The following ATXN7L1 variants were observed in gnomAD, a reference collection of about 807,000 sequenced individuals.
ATXN7L1 encodes ataxin 7 like 1, also known as ataxin-7-like protein 1.
ATXN7L1 carries 15 observed loss-of-function variants against 70.8 expected under a neutral mutation model. The observed-to-expected ratio is 0.21, with a 90% CI of 0.14 to 0.33. ATXN7L1 has a LOEUF of 0.33. ATXN7L1 is among the 10% of genes least tolerant of loss of function. The pLI, the probability that ATXN7L1 is intolerant of heterozygous loss-of-function variation, is 1.00. For synonymous variants in ATXN7L1, 440 were observed against 445.1 expected (o/e 0.99, Z 0.14); for missense variants, 975 against 1,097.1 (o/e 0.89, Z 1.57).
At chr7:105,820,474 G>A (rs1043559143) in intron 2 of ATXN7L1, among the ~76,000 whole-genome samples, 1 of 152,192 alleles carries the variant, frequency 6.6e-6, no homozygotes, top group Non-Finnish European at 1.5e-5. Flanking sequence ...GTCCCTTGAT[G>A]AGGCTGCAGC....
At chr7:105,638,212 C>T in intron 7 of ATXN7L1, 141 bp downstream of exon 7, 1 of 1,197,418 alleles carries the variant, frequency 8.4e-7, no homozygotes, top group East Asian at 2.6e-5. Flanking sequence ...TACATTATCT[C>T]ATTTAAACTT....
At chr7:105,849,398 A>T (rs1214390458) in intron 2 of ATXN7L1, among the ~76,000 whole-genome samples, 3 of 152,216 alleles carry the variant, frequency 2.0e-5, no homozygotes, top group Non-Finnish European at 4.4e-5. Context: ...TCTTAAGGGC[A>T]AGAGGGTCAA....
At chr7:105,848,999 C>T (rs1047599522) in intron 2 of ATXN7L1, among the ~76,000 whole-genome samples, 2 of 152,224 alleles carry the variant, frequency 1.3e-5, no homozygotes, top group Middle Eastern at 3.2e-3. Context: ...GGTCTCCTCA[C>T]CTCCATTCCT....
rs1563165032 is a variant in ATXN7L1 at position 105,875,827 on chromosome 7, T to G, written c.235A>C (p.Arg79=). ...CTCCACTTACCTTCTTTATTAAGCC[T>G]CATAACCTCCCTGCTTTTTCCACCC... The part of the protein sequence containing the change: ...KEGGKSREVM[R]LNKEDMHLFG... The change falls in exon 2 of 12, where the codon AGG becomes CGG. Residue 79 remains arginine, a synonymous_variant. Transcript: ENST00000419735. 1 of 1,613,454 alleles carries G rather than the reference T, an allele frequency of 6.2e-7. No homozygotes were observed. The highest frequency in any genetic ancestry group is 1.7e-5 in the Admixed American group (1 of 59,978).
intron 7 of ATXN7L1, among the ~76,000 whole-genome samples, chr7:105,625,746 T>A (rs1330176549): frequency 6.6e-6 from 1 of 152,184 alleles, no homozygotes; most frequent in Non-Finnish European, 1.5e-5. Flanking sequence ...ACTACCTGCT[T>A]CCTAGGCAGT....
chr7:105,796,957 T>C (rs890463787), intron 2 of ATXN7L1, among the ~76,000 whole-genome samples: 2 of 152,058 alleles, frequency 1.3e-5, no homozygotes, highest in Non-Finnish European at 2.9e-5. Context: ...TCTAGGAAAA[T>C]GTGATCACTT....
chr7:105,854,927 T>C (rs536314856), intron 2 of ATXN7L1, among the ~76,000 whole-genome samples: 18 of 151,892 alleles, frequency 1.2e-4, no homozygotes, highest in South Asian at 4.2e-4. Context: ...GCTTTGAGTA[T>C]GGGTTGGGAA....
rs1401052571 is a variant in ATXN7L1 at position 105,638,440 on chromosome 7, G to C, written c.1115C>G (p.Ser372Cys). 2 of 1,552,238 alleles carry C rather than the reference G, an allele frequency of 1.3e-6. No individual in the cohort carries two copies. The highest frequency in any genetic ancestry group is 1.7e-6 in the Non-Finnish European group (2 of 1,147,144). The change falls in exon 7 of 12, where the codon TCT (serine) becomes TGT (cysteine). Residue 372 changes from serine to cysteine, a missense_variant. By Grantham distance (112) the Ser-to-Cys change is moderately radical. Transcript: ENST00000419735. ...AGAGCTCCCTGAAGACCCTAGCAGA[G>C]AATCCTGTGCCGGCCCGGATTGGCT... ...LPSQSGPAQD[S>C]LLGSSGSSGP...
At chr7:105,635,494 C>G (rs1797225350) in intron 7 of ATXN7L1, among the ~76,000 whole-genome samples, 1 of 152,228 alleles carries the variant, frequency 6.6e-6, no homozygotes, top group Non-Finnish European at 1.5e-5. Context: ...GTGCTTGGTA[C>G]TTTCTCACTT....
chr7:105,839,535 G>A (rs1812897530), intron 2 of ATXN7L1, among the ~76,000 whole-genome samples: 3 of 152,208 alleles, frequency 2.0e-5, no homozygotes, highest in African/African-American at 7.2e-5. Flanking sequence ...GTGTCTGAAT[G>A]GCAGCTGTTA....
intron 2 of ATXN7L1, among the ~76,000 whole-genome samples, chr7:105,814,626 C>G (rs1431454249): frequency 1.3e-5 from 2 of 152,096 alleles, no homozygotes; most frequent in Non-Finnish European, 2.9e-5. Context: ...CCTCATTACA[C>G]AGGCTTGTTG....
At chr7:105,768,531 A>G (rs987487000) in intron 3 of ATXN7L1, among the ~76,000 whole-genome samples, 1 of 152,260 alleles carries the variant, frequency 6.6e-6, no homozygotes, top group African/African-American at 2.4e-5. Context: ...AAGGTTATCA[A>G]TGCTTAGCTT....
chr7:105,798,030 T>C (rs1229811284), intron 2 of ATXN7L1, among the ~76,000 whole-genome samples: 1 of 152,268 alleles, frequency 6.6e-6, no homozygotes, highest in African/African-American at 2.4e-5. Flanking sequence ...GGGGAAGTAG[T>C]AAATGATAAT....
intron 3 of ATXN7L1, among the ~76,000 whole-genome samples, chr7:105,686,517 A>AAAAC (rs527785550): frequency 9.2e-5 from 14 of 152,300 alleles, no homozygotes; most frequent in South Asian, 4.1e-4. Context: ...AGTCCATCTC[A>AAAAC]AAACAAACAA....
intron 2 of ATXN7L1, among the ~76,000 whole-genome samples, chr7:105,801,857 A>G (rs1366547595): frequency 1.3e-5 from 2 of 152,160 alleles, no homozygotes; most frequent in Non-Finnish European, 2.9e-5. Flanking sequence ...AAACACTACA[A>G]ATCAAGGCTT....
At chr7:105,665,004 C>T (rs913812292) in intron 4 of ATXN7L1, 62 bp downstream of exon 4, 2 of 1,442,210 alleles carry the variant, frequency 1.4e-6, no homozygotes, top group African/African-American at 1.4e-5. Flanking sequence ...ATACTATTTC[C>T]CCATGGTGAC....
chr7:105,851,581 C>T (rs1021891902), intron 2 of ATXN7L1, among the ~76,000 whole-genome samples: 5 of 152,174 alleles, frequency 3.3e-5, no homozygotes, highest in African/African-American at 1.2e-4. Flanking sequence ...ACCCTAACAC[C>T]AAAATGCAAC....
At chr7:105,729,884 C>T (rs1215314789) in intron 3 of ATXN7L1, among the ~76,000 whole-genome samples, 1 of 152,056 alleles carries the variant, frequency 6.6e-6, no homozygotes, top group African/African-American at 2.4e-5. Flanking sequence ...ACTACAGGCG[C>T]CTGCCACCAC....
At chr7:105,665,038 G>A (rs1802410583) in intron 4 of ATXN7L1, 28 bp downstream of exon 4, 2 of 1,520,404 alleles carry the variant, frequency 1.3e-6, no homozygotes, top group Admixed American at 2.0e-5. Context: ...GGGACAGACA[G>A]CAGCTGGCTG....
Sources: allele counts gnomAD v4.1 joint callset (sites outside exome capture counted in the v4.1 genomes callset), GRCh38; gene constraint gnomAD v4.1.1; transcripts MANE v1.5; gene names NCBI Gene and HGNC (gene_info 2026-07-23, HGNC 2026-07-21).